Variants in SLC60A2 observed in about 807,000 individuals in gnomAD.
SLC60A2 encodes solute carrier family 60 member 2.
At chr6:111,262,395 G>C in the SLC60A2 span, 3 of 1,613,368 alleles carry the variant, frequency 1.9e-6, no homozygotes, top group Non-Finnish European at 2.5e-6. Flanking sequence ...TGGATTTCTT[G>C]TCGATGTCAT....
At chr6:111,276,855 A>C in the SLC60A2 span, among the ~76,000 whole-genome samples, 15,342 of 152,090 alleles carry the variant, frequency 0.1, 1,011 homozygotes, top group Middle Eastern at 0.19. Context: ...TCTTCTATAT[A>C]TCTCTGGTCC....
At chr6:111,260,288 C>G in the SLC60A2 span, among the ~76,000 whole-genome samples, 1 of 152,206 alleles carries the variant, frequency 6.6e-6, no homozygotes, top group Non-Finnish European at 1.5e-5. Context: ...CCGCTGCTCT[C>G]CGCACCCACC....
chr6:111,261,175 C>T, the SLC60A2 span, among the ~76,000 whole-genome samples: 2 of 152,078 alleles, frequency 1.3e-5, no homozygotes, highest in African/African-American at 2.4e-5. Flanking sequence ...ATTCTGATGG[C>T]GTGGAAGAAA....
At chr6:111,262,391 T>C in the SLC60A2 span, 1 of 1,613,708 alleles carries the variant, frequency 6.2e-7, no homozygotes, top group South Asian at 1.1e-5. Context: ...TTGGTGGATT[T>C]CTTGTCGATG....
the SLC60A2 span, chr6:111,265,824 A>G: frequency 3.4e-6 from 5 of 1,471,146 alleles, no homozygotes; most frequent in African/African-American, 1.4e-5. Flanking sequence ...TTTTTTTTTA[A>G]TAAGTAAGTA....
At chr6:111,259,501 C>A in the SLC60A2 span, 4 of 509,686 alleles carry the variant, frequency 7.8e-6, no homozygotes, top group African/African-American at 8.1e-5. Context: ...TGCTGAGAAG[C>A]GCGGCGGCAG....
At chr6:111,260,712 T>G in the SLC60A2 span, among the ~76,000 whole-genome samples, 1 of 152,214 alleles carries the variant, frequency 6.6e-6, no homozygotes, top group South Asian at 2.1e-4. Context: ...TGAGCCACAG[T>G]TGTTTCTTAG....
At chr6:111,260,829 A>G in the SLC60A2 span, among the ~76,000 whole-genome samples, 108 of 152,366 alleles carry the variant, frequency 7.1e-4, no homozygotes, top group Non-Finnish European at 1.2e-3. Context: ...CTTTGAAGAC[A>G]TGAACTAATT....
At chr6:111,259,452 G>T in the SLC60A2 span, 1 of 417,474 alleles carries the variant, frequency 2.4e-6, no homozygotes, top group South Asian at 6.5e-5. Context: ...CCCGTGCCTG[G>T]GGTCGGGGCC....
chr6:111,260,163 G>A, the SLC60A2 span, among the ~76,000 whole-genome samples: 1 of 152,078 alleles, frequency 6.6e-6, no homozygotes, highest in African/African-American at 2.4e-5. Flanking sequence ...CGCCCACCTC[G>A]GCCTCCCAAA....
the SLC60A2 span, among the ~76,000 whole-genome samples, chr6:111,278,990 T>C: frequency 1.3e-5 from 2 of 152,222 alleles, no homozygotes; most frequent in Non-Finnish European, 1.5e-5. Flanking sequence ...TAGAATCACC[T>C]GGCAGTGTTT....
the SLC60A2 span, chr6:111,266,376 T>TC: frequency 6.8e-4 from 1,097 of 1,614,190 alleles, 3 homozygotes; most frequent in Non-Finnish European, 8.5e-4. Flanking sequence ...TGGGTTGAAC[T>TC]CCATCTTCTG....
At chr6:111,275,524 C>T in the SLC60A2 span, among the ~76,000 whole-genome samples, 1 of 151,826 alleles carries the variant, frequency 6.6e-6, no homozygotes, top group Non-Finnish European at 1.5e-5. Context: ...ATTCTCCTGC[C>T]CCAGCCTCCC....
At chr6:111,259,356 T>TA in the SLC60A2 span, 1 of 325,562 alleles carries the variant, frequency 3.1e-6, no homozygotes, top group East Asian at 4.8e-5. Flanking sequence ...GAGCGTCTTT[T>TA]GCCACGAACA....
the SLC60A2 span, chr6:111,262,185 G>T: frequency 3.9e-6 from 5 of 1,293,378 alleles, no homozygotes; most frequent in Admixed American, 4.3e-5. Context: ...TTTTATAGTG[G>T]AAGAAACTAC....
chr6:111,270,744 C>A, the SLC60A2 span: 1 of 151,988 alleles, frequency 6.6e-6, no homozygotes, highest in African/African-American at 2.4e-5. Context: ...ACTCGGGAGG[C>A]TGAGGCAGGA....
the SLC60A2 span, among the ~76,000 whole-genome samples, chr6:111,279,317 AGT>A: frequency 6.7e-6 from 1 of 148,982 alleles, no homozygotes; most frequent in African/African-American, 2.5e-5. Flanking sequence ...GCTGGAGTGC[AGT>A]GGCGCTATCT....
chr6:111,264,268 T>C, the SLC60A2 span, among the ~76,000 whole-genome samples: 4 of 152,214 alleles, frequency 2.6e-5, no homozygotes, highest in Non-Finnish European at 5.9e-5. Context: ...GGTAGAACTT[T>C]ATTGCTCTAG....
chr6:111,267,043 A>G, the SLC60A2 span: 6 of 1,614,090 alleles, frequency 3.7e-6, no homozygotes, highest in South Asian at 5.5e-5. Flanking sequence ...CTGGTGTTTG[A>G]GTCTTCTCCT....
Sources: allele counts gnomAD v4.1 joint callset (sites outside exome capture counted in the v4.1 genomes callset), GRCh38; gene constraint gnomAD v4.1.1; transcripts MANE v1.5; gene names NCBI Gene and HGNC (gene_info 2026-07-23, HGNC 2026-07-21).